Variants in DOK6 observed in about 807,000 individuals in gnomAD.
DOK6 encodes the protein docking protein 6, also known as downstream of tyrosine kinase 6.
A neutral mutation model predicts 44.0 loss-of-function variants in DOK6; 22 were observed. The ratio of observed to expected loss-of-function variants is 0.50; its 90% CI spans 0.36 to 0.71. DOK6 has a LOEUF of 0.71. Ranked by LOEUF, DOK6 falls within the 30% of genes least tolerant of loss-of-function variation. The pLI is 0.00. For synonymous variants in DOK6, 166 were observed against 145.5 expected (o/e 1.14, Z -1.01); for missense variants, 340 against 416.4 (o/e 0.82, Z 1.60).
intron 7 of DOK6, among the ~76,000 whole-genome samples, chr18:69,833,004 A>G (rs555760240): frequency 6.6e-6 from 1 of 152,288 alleles, no homozygotes; most frequent in African/African-American, 2.4e-5. Flanking sequence ...CAATCTACAG[A>G]TTCGATGCAA....
In DOK6 at chr18:69,549,064, T is replaced by C. The variant is rs764304071; in HGVS notation, c.67-15423T>C. 4.2e-4 allele frequency among the ~76,000 whole-genome samples: 61 copies of C among 146,096 alleles called. 1 individual carries two copies. Among genetic ancestry groups the C allele is most frequent in the Non-Finnish European group, 7.4e-4 (49 of 66,202 alleles). On this transcript the variant is annotated intron_variant, in intron 1 of 7. Coordinates refer to ENST00000382713, the MANE Select transcript of DOK6 (RefSeq NM_152721.6). ...TGAGCCAAGATCGCGCCACTGCACA[T>C]CAGCCTGGGTGAAAGAGTGAGACTC...
At chr18:69,546,836 G>A (rs1982418795) in intron 1 of DOK6, among the ~76,000 whole-genome samples, 1 of 151,432 alleles carries the variant, frequency 6.6e-6, no homozygotes, top group African/African-American at 2.4e-5. Flanking sequence ...TAGCTGTTTT[G>A]AACTATATCA....
At chr18:69,555,043 C>T (rs1982654210) in intron 1 of DOK6, among the ~76,000 whole-genome samples, 1 of 152,114 alleles carries the variant, frequency 6.6e-6, no homozygotes, top group South Asian at 2.1e-4. Flanking sequence ...ACGTGTGTGG[C>T]AAGTATCTTC....
intron 7 of DOK6, among the ~76,000 whole-genome samples, chr18:69,785,857 C>T (rs926850704): frequency 2.6e-5 from 4 of 152,134 alleles, no homozygotes; most frequent in African/African-American, 9.7e-5. Flanking sequence ...AATGTGAATG[C>T]TAATCAAATA....
At chr18:69,606,158 G>A (rs1011641996) in intron 3 of DOK6, among the ~76,000 whole-genome samples, 1 of 151,890 alleles carries the variant, frequency 6.6e-6, no homozygotes, top group Non-Finnish European at 1.5e-5. Context: ...CGTAGTCCCA[G>A]CTACTTGGGA....
At chr18:69,698,731 A>C (rs1323977178) in intron 5 of DOK6, 138 bp downstream of exon 5, 1 of 739,656 alleles carries the variant, frequency 1.4e-6, no homozygotes, top group Non-Finnish European at 2.0e-6. Context: ...TACCAAATAC[A>C]TAATTTCTTC....
chr18:69,636,890 G>A (rs1000880212), intron 3 of DOK6, among the ~76,000 whole-genome samples: 3 of 152,224 alleles, frequency 2.0e-5, no homozygotes, highest in Admixed American at 6.5e-5. Context: ...GGATGCAAAG[G>A]CAAAATGCAG....
At chr18:69,413,437 A>C (rs1246259157) in intron 1 of DOK6, among the ~76,000 whole-genome samples, 2 of 152,126 alleles carry the variant, frequency 1.3e-5, no homozygotes, top group Admixed American at 1.3e-4. Flanking sequence ...AATTAAGAAA[A>C]AAGTTTGATT....
chr18:69,546,880 A>G (rs935641072), intron 1 of DOK6, among the ~76,000 whole-genome samples: 1 of 151,620 alleles, frequency 6.6e-6, no homozygotes, highest in Non-Finnish European at 1.5e-5. Flanking sequence ...TTACATTACT[A>G]TAAAGAAATA....
intron 7 of DOK6, among the ~76,000 whole-genome samples, chr18:69,784,212 C>T (rs1802260501): frequency 6.6e-6 from 1 of 151,956 alleles, no homozygotes; most frequent in Admixed American, 6.6e-5. Flanking sequence ...AAAAATTTTC[C>T]ACCCTTTTGT....
chr18:69,847,158 G>C lies in DOK6; in HGVS notation c.*5775G>C, dbSNP rs960211329. On this transcript the variant is annotated 3_prime_UTR_variant, in exon 8 of 8. Transcript: ENST00000382713. ...TTTTTTTAAGTTATCTTCCATGCCT[G>C]CTTCCCTAGTCTGAACTCCACATTC... The C allele has an allele frequency of 1.3e-5, 2 of 152,016 alleles. No homozygotes were observed. Among genetic ancestry groups the C allele is most frequent in the East Asian group, 1.9e-4 (1 of 5,176 alleles). 9.4% of individuals were successfully genotyped at this position (152,016 alleles called of 1,614,324 possible).
intron 2 of DOK6, among the ~76,000 whole-genome samples, chr18:69,582,798 C>A (rs1346249909): frequency 6.6e-6 from 1 of 152,142 alleles, no homozygotes; most frequent in African/African-American, 2.4e-5. Context: ...CATGTACCTG[C>A]TATTATGATA....
chr18:69,550,798 T>A (rs1235031411), intron 1 of DOK6, among the ~76,000 whole-genome samples: 147 of 62,922 alleles, frequency 2.3e-3, no homozygotes, highest in African/African-American at 6.7e-3. Flanking sequence ...TTTTTTTTTT[T>A]ATTTTGAGAC....
At chr18:69,596,406 G>A (rs1018369106) in intron 2 of DOK6, among the ~76,000 whole-genome samples, 2 of 152,110 alleles carry the variant, frequency 1.3e-5, no homozygotes, top group Admixed American at 1.3e-4. Context: ...TAGGATAAAT[G>A]CAAAGTGATA....
At chr18:69,471,344 G>T (rs1258671135) in intron 1 of DOK6, among the ~76,000 whole-genome samples, 1 of 150,338 alleles carries the variant, frequency 6.7e-6, no homozygotes. Flanking sequence ...AGAAGCCACC[G>T]GTGGATCAGG....
intron 3 of DOK6, among the ~76,000 whole-genome samples, chr18:69,640,700 G>A (rs1984919070): frequency 6.6e-6 from 1 of 152,136 alleles, no homozygotes; most frequent in African/African-American, 2.4e-5. Context: ...TTACTTGTTA[G>A]TATGACCAGC....
chr18:69,564,496 C>T lies in DOK6; in HGVS notation c.76C>T (p.Arg26Ter), dbSNP rs773443602. The T allele has an allele frequency of 3.1e-6, 5 of 1,613,354 alleles. No individual in the cohort carries two copies. The highest frequency in any genetic ancestry group is 2.2e-5 in the East Asian group (1 of 44,830). Reference sequence around the variant, plus strand: ...CTTTATTTGCTTTCAGATTTTCAGACGATGCTGGTTGGTTTTCAAGAAGGC... The same window carrying T: ...CTTTATTTGCTTTCAGATTTTCAGATGATGCTGGTTGGTTTTCAAGAAGGC... ...IRSRKLGIFR[R>*]CWLVFKKASS... Residue 26 changes from arginine (R) to a stop codon, truncating the protein, a stop_gained, in exon 2 of 8, where the codon CGA becomes TGA. Transcript: ENST00000382713. LOFTEE classifies it high-confidence loss of function.
At chr18:69,513,115 G>T (rs1256159326) in intron 1 of DOK6, among the ~76,000 whole-genome samples, 1 of 128,804 alleles carries the variant, frequency 7.8e-6, no homozygotes, top group Non-Finnish European at 1.8e-5. Flanking sequence ...AAATAACAAA[G>T]CTCGTTCACT....
intron 1 of DOK6, among the ~76,000 whole-genome samples, chr18:69,504,674 T>C (rs1012014115): frequency 6.6e-6 from 1 of 152,070 alleles, no homozygotes; most frequent in African/African-American, 2.4e-5. Flanking sequence ...AAAAGTGACA[T>C]TTTTTCCATT....
Sources: gnomAD v4.1 joint callset for allele counts (sites outside exome capture counted in the v4.1 genomes callset) on GRCh38, gnomAD v4.1.1 for gene constraint, MANE v1.5 for transcripts, NCBI Gene and HGNC (gene_info 2026-07-23, HGNC 2026-07-21) for gene names.